IST1: variants seen among roughly 807,000 people sequenced by gnomAD.
IST1 encodes the protein IST1 factor associated with ESCRT-III.
In IST1, 23 loss-of-function variants were observed where a neutral mutation model predicts 37.0. The ratio of observed to expected loss-of-function variants is 0.62; its 90% CI spans 0.45 to 0.88. The LOEUF (loss-of-function observed/expected upper bound fraction) is 0.88. IST1 is among the 40% of genes least tolerant of loss of function. The pLI, the probability that IST1 is intolerant of heterozygous loss-of-function variation, is 0.00. For missense variants in IST1, 488 were observed against 445.4 expected (o/e 1.10, Z -0.86); for synonymous variants, 180 against 161.7 (o/e 1.11, Z -0.86).
At chr16:71,920,874 G>T (rs1377640631) in intron 5 of IST1, 52 bp downstream of exon 5, 1 of 1,280,714 alleles carries the variant, frequency 7.8e-7, no homozygotes, top group East Asian at 2.3e-5. Flanking sequence ...GCAGTTTATT[G>T]TACTGCTTGT....
rs1461435775 is a variant in IST1 at position 71,929,653 on chromosome 16, A to G, written c.*1840A>G. The G allele has an allele frequency of 6.4e-7, 1 of 1,551,630 alleles. No homozygotes were observed. The highest frequency in any genetic ancestry group is 8.7e-7 in the Non-Finnish European group (1 of 1,146,796). On this transcript the variant is annotated 3_prime_UTR_variant, in exon 10 of 10. Coordinates refer to ENST00000378799, the MANE Select transcript of IST1 (RefSeq NM_001270975.2). ...TAACAAATTTGAGAGCTTCTGTAGC[A>G]GTGTATCTATTAGTGCAGCTTCTTT...
intron 1 of IST1, among the ~76,000 whole-genome samples, chr16:71,900,290 T>C (rs2142524169): frequency 1.3e-5 from 2 of 151,408 alleles, no homozygotes. Context: ...TTCGTACTTT[T>C]AGAGCTACAA....
At position 71,923,326 on chromosome 16, in the gene IST1, C is replaced by G; in HGVS notation, c.798C>G (p.Ala266=). ...FNGLPMGTYQ[A]FPNIHPPQIP... is the part of the protein sequence containing the mutation. ...GACTGCCAATGGGGACTTATCAGGC[C>G]TTTCCCAATATTCATCCACCTCAGA... The change falls in exon 8 of 10, where the codon GCC becomes GCG. Residue 266 remains alanine, a synonymous_variant. Transcript: ENST00000378799. 6.2e-7 allele frequency: 1 copy of G among 1,612,656 alleles called. No homozygotes were observed. Among genetic ancestry groups the G allele is most frequent in the Non-Finnish European group, 8.5e-7 (1 of 1,178,880 alleles).
chr16:71,917,673 T>C (rs2037493960), intron 4 of IST1, among the ~76,000 whole-genome samples: 1 of 152,224 alleles, frequency 6.6e-6, no homozygotes, highest in African/African-American at 2.4e-5. Flanking sequence ...TGTTGTTTTC[T>C]ATTTTCTACA....
At chr16:71,922,957 T>A (rs1294851010) in intron 7 of IST1, 8 of 507,020 alleles carry the variant, frequency 1.6e-5, no homozygotes, top group Non-Finnish European at 2.8e-5. Context: ...TACTAGTAGT[T>A]TTTTCCACAA....
chr16:71,899,540 C>G (rs1490162425), intron 1 of IST1, among the ~76,000 whole-genome samples: 2 of 152,136 alleles, frequency 1.3e-5, no homozygotes, highest in Non-Finnish European at 2.9e-5. Context: ...AGTGGTCATA[C>G]CAAAATTTGT....
chr16:71,929,667 T>G lies in IST1; in HGVS notation c.*1854T>G. The G allele has an allele frequency of 6.5e-7, 1 of 1,547,128 alleles. No homozygotes were observed. Among genetic ancestry groups the G allele is most frequent in the Non-Finnish European group, 8.7e-7 (1 of 1,145,514 alleles). On this transcript the variant is annotated 3_prime_UTR_variant, in exon 10 of 10. Coordinates refer to ENST00000378799, the MANE Select transcript of IST1 (RefSeq NM_001270975.2). ...GCTTCTGTAGCAGTGTATCTATTAG[T>G]GCAGCTTCTTTCTGAGTATTGAAGA...
chr16:71,903,860 G>A (rs2037162748), intron 1 of IST1, among the ~76,000 whole-genome samples: 1 of 152,174 alleles, frequency 6.6e-6, no homozygotes, highest in South Asian at 2.1e-4. Context: ...TGTTCTGTCT[G>A]CTAGGTTGAT....
At chr16:71,916,312 T>A in intron 2 of IST1, 150 bp from the exon 3 acceptor site, 2 of 713,054 alleles carry the variant, frequency 2.8e-6, no homozygotes, top group South Asian at 4.0e-5. Context: ...TAGCAAATTC[T>A]ACAGTAGAGG....
intron 1 of IST1, among the ~76,000 whole-genome samples, chr16:71,907,775 GTTTC>G (rs2037259490): frequency 6.6e-6 from 1 of 151,884 alleles, no homozygotes; most frequent in Non-Finnish European, 1.5e-5. Context: ...AGTCCATACA[GTTTC>G]TTTCTTTGGT....
At chr16:71,909,741 T>C (rs1283916901) in intron 1 of IST1, among the ~76,000 whole-genome samples, 1 of 152,224 alleles carries the variant, frequency 6.6e-6, no homozygotes. Context: ...AAATGAAAAC[T>C]CGAGAATAAC....
chr16:71,916,121 C>G (rs779523757), intron 2 of IST1, among the ~76,000 whole-genome samples: 13 of 152,148 alleles, frequency 8.5e-5, no homozygotes, highest in African/African-American at 3.1e-4. Flanking sequence ...CGTGAGCTAC[C>G]ATGCCCGCCC....
Position 71,929,474 on chromosome 16 carries a change from T to C in IST1, c.*1661T>C, listed in dbSNP as rs944691002. On this transcript the variant is annotated 3_prime_UTR_variant, in exon 10 of 10. Coordinates refer to ENST00000378799, the MANE Select transcript of IST1 (RefSeq NM_001270975.2). ...ACAAAGTATATTATAATTTTAAAGC[T>C]ATGCCATGCAAAGATAAGTAGTAAT... The C allele has an allele frequency of 4.3e-6, 6 of 1,406,310 alleles. No homozygotes were observed. Among genetic ancestry groups the C allele is most frequent in the East Asian group, 2.5e-5 (1 of 39,472 alleles). 87.1% of individuals were successfully genotyped at this position (1,406,310 alleles called of 1,614,324 possible).
At chr16:71,897,581 A>G (rs1371302022) in intron 1 of IST1, among the ~76,000 whole-genome samples, 2 of 152,332 alleles carry the variant, frequency 1.3e-5, no homozygotes, top group South Asian at 4.1e-4. Context: ...TAACATGCCT[A>G]TGAACACTTA....
At chr16:71,901,173 C>G (rs1279625009) in intron 1 of IST1, among the ~76,000 whole-genome samples, 1 of 152,084 alleles carries the variant, frequency 6.6e-6, no homozygotes, top group Non-Finnish European at 1.5e-5. Context: ...GCTTTGGAAA[C>G]AGGTTCAAAT....
At position 71,921,431 on chromosome 16, in the gene IST1, A is replaced by G. The variant is rs745357086; in HGVS notation, c.530A>G (p.Tyr177Cys). ...IEIAKNYNVP[Y>C]EPDSVVMAEA... The stretch of plus-strand genomic sequence containing the variant: ...ATTGCAAAGAATTACAACGTACCCT[A>G]TGAACCTGACTCTGTGGTCATGGTA... Residue 177 changes from tyrosine (Y) to cysteine (C), a missense_variant, in exon 6 of 10, where the codon TAT (tyrosine) becomes TGT (cysteine). By Grantham distance (194) the Tyr-to-Cys change is radical (BLOSUM62 -2). This residue lies in a region of IST1 where 455 missense variants were observed against 386.2 expected (regional missense o/e 1.18). Transcript: ENST00000378799. 4 of 1,609,708 alleles carry G rather than the reference A, an allele frequency of 2.5e-6. No individual in the cohort carries two copies. The highest frequency in any genetic ancestry group is 1.3e-5 in the African/African-American group (1 of 74,856).
rs1326562082 is a variant in IST1, at chr16:71,929,769, T to C, written c.*1956T>C. The C allele has an allele frequency of 1.6e-6, 2 of 1,242,806 alleles. No homozygotes were observed. The highest frequency in any genetic ancestry group is 2.2e-6 in the Non-Finnish European group (2 of 908,962). 77.0% of individuals were successfully genotyped at this position (1,242,806 alleles called of 1,614,324 possible). Reference sequence around the variant, plus strand: ...AAAGTACCAAAGATTTTTAAAAAATTAGTAAATGTAAAGATACTATTTCTT... The same window carrying C: ...AAAGTACCAAAGATTTTTAAAAAATCAGTAAATGTAAAGATACTATTTCTT... On this transcript the variant is annotated 3_prime_UTR_variant, in exon 10 of 10. Transcript: ENST00000378799.
In IST1 at chr16:71,927,842, T is replaced by C; in HGVS notation, c.*29T>C. ...TCTTAAACCAGGCAACTTTCACGTT[T>C]TGGGAGTTGAGACTGAGCAATTTCT... On this transcript the variant is annotated 3_prime_UTR_variant, in exon 10 of 10. Coordinates refer to ENST00000378799, the MANE Select transcript of IST1 (RefSeq NM_001270975.2). 6.5e-7 allele frequency: 1 copy of C among 1,547,636 alleles called. No individual in the cohort carries two copies. The highest frequency in any genetic ancestry group is 8.9e-7 in the Non-Finnish European group (1 of 1,122,592).
At chr16:71,905,618 G>A (rs1158266931) in intron 1 of IST1, among the ~76,000 whole-genome samples, 3 of 152,116 alleles carry the variant, frequency 2.0e-5, no homozygotes, top group Admixed American at 2.0e-4. Flanking sequence ...GACCTCAGGC[G>A]ATCCACCTGC....
Sources: gnomAD v4.1 joint callset for allele counts (sites outside exome capture counted in the v4.1 genomes callset) on GRCh38, gnomAD v4.1.1 for gene constraint, gnomAD v4.1.1 regional missense constraint, MANE v1.5 for transcripts, NCBI Gene and HGNC (gene_info 2026-07-23, HGNC 2026-07-21) for gene names.